Variants in EPHA6 observed in about 807,000 individuals in gnomAD.
EPHA6 encodes EPH receptor A6, also known as ephrin type-A receptor 6.
A neutral mutation model predicts 112.0 loss-of-function variants in EPHA6; 50 were observed. That is an observed-to-expected ratio of 0.45 (90% CI 0.36 to 0.56). The LOEUF (loss-of-function observed/expected upper bound fraction) is 0.56. Ranked by LOEUF, EPHA6 falls within the 20% of genes least tolerant of loss-of-function variation. The pLI is 0.00. For synonymous variants in EPHA6, 529 were observed against 490.7 expected, an observed-to-expected ratio of 1.08 and a Z score of -1.03; for missense variants, 1,280 against 1,417.4, an observed-to-expected ratio of 0.90 and a Z score of 1.56.
intron 3 of EPHA6, among the ~76,000 whole-genome samples, chr3:97,161,709 A>G (rs1576595370): frequency 6.6e-6 from 1 of 152,158 alleles, no homozygotes; most frequent in Non-Finnish European, 1.5e-5. Context: ...ACTGGCAGAA[A>G]AAAAAAGGCC....
chr3:97,110,944 G>A (rs6792322), intron 3 of EPHA6, among the ~76,000 whole-genome samples: 47,946 of 152,012 alleles, frequency 0.32, 13,495 homozygotes, highest in African/African-American at 0.75. Context: ...TACAAAATAT[G>A]TGATTATTAC....
chr3:97,621,730 T>G (rs1474659517), intron 13 of EPHA6, among the ~76,000 whole-genome samples: 1 of 151,952 alleles, frequency 6.6e-6, no homozygotes, highest in East Asian at 1.9e-4. Context: ...ATATAGCTTT[T>G]AAGTCAGAAG....
chr3:97,513,455 G>A (rs1304133494), intron 10 of EPHA6, among the ~76,000 whole-genome samples: 1 of 152,126 alleles, frequency 6.6e-6, no homozygotes, highest in Non-Finnish European at 1.5e-5. Flanking sequence ...TTTTTAAAAT[G>A]TGATGTGGTA....
At chr3:97,318,140 CAATT>C (rs2081934000) in intron 5 of EPHA6, among the ~76,000 whole-genome samples, 1 of 151,768 alleles carries the variant, frequency 6.6e-6, no homozygotes, top group Non-Finnish European at 1.5e-5. Flanking sequence ...AACTGAAACA[CAATT>C]AAGCCATCAT....
chr3:97,112,721 G>A (rs548837931), intron 3 of EPHA6, among the ~76,000 whole-genome samples: 14 of 151,740 alleles, frequency 9.2e-5, no homozygotes, highest in African/African-American at 2.2e-4. Context: ...TTAGGTCTTC[G>A]TTCAGAGGAT....
At chr3:96,907,483 T>C (rs1487780918) in intron 2 of EPHA6, among the ~76,000 whole-genome samples, 1 of 121,972 alleles carries the variant, frequency 8.2e-6, no homozygotes, top group Non-Finnish European at 1.7e-5. Flanking sequence ...AAAAAATTCA[T>C]TTTGATATTT....
At chr3:97,446,413 A>T (rs2090348031) in intron 6 of EPHA6, among the ~76,000 whole-genome samples, 1 of 152,150 alleles carries the variant, frequency 6.6e-6, no homozygotes, top group Non-Finnish European at 1.5e-5. Flanking sequence ...TGCCTGCAAA[A>T]GGTGTCCTTT....
chr3:97,494,963 C>A (rs2091939385), intron 10 of EPHA6, among the ~76,000 whole-genome samples: 1 of 152,152 alleles, frequency 6.6e-6, no homozygotes, highest in South Asian at 2.1e-4. Flanking sequence ...TAGAGTTTTT[C>A]TCTAAGTCTT....
intron 1 of EPHA6, among the ~76,000 whole-genome samples, chr3:96,821,840 G>A (rs887506669): frequency 2.6e-5 from 4 of 151,612 alleles, no homozygotes; most frequent in East Asian, 1.9e-4. Flanking sequence ...TTAATATCAG[G>A]CATTATGCTA....
intron 2 of EPHA6, among the ~76,000 whole-genome samples, chr3:96,915,417 T>A (rs1458406697): frequency 6.6e-6 from 1 of 152,098 alleles, no homozygotes; most frequent in Non-Finnish European, 1.5e-5. Flanking sequence ...ACAGGAATGA[T>A]TACAGACTGC....
At chr3:97,663,958 A>C (rs1235250899) in intron 14 of EPHA6, among the ~76,000 whole-genome samples, 1 of 152,156 alleles carries the variant, frequency 6.6e-6, no homozygotes, top group African/African-American at 2.4e-5. Flanking sequence ...GCAACAGTGT[A>C]AAAGTGTTCC....
At chr3:96,893,418 T>A (rs1182670004) in intron 2 of EPHA6, among the ~76,000 whole-genome samples, 1 of 152,204 alleles carries the variant, frequency 6.6e-6, no homozygotes, top group Non-Finnish European at 1.5e-5. Flanking sequence ...TGTTGTTTTA[T>A]TCATTATGAC....
At chr3:97,620,386 A>G (rs2107499854) in intron 13 of EPHA6, among the ~76,000 whole-genome samples, 1 of 152,080 alleles carries the variant, frequency 6.6e-6, no homozygotes, top group East Asian at 1.9e-4. Flanking sequence ...AGACACCAAA[A>G]TAATTGCAAC....
chr3:97,198,216 A>G (rs1263433650), intron 3 of EPHA6, among the ~76,000 whole-genome samples: 1 of 152,112 alleles, frequency 6.6e-6, no homozygotes, highest in Non-Finnish European at 1.5e-5. Flanking sequence ...AGTGGAGACA[A>G]TCACTATAGG....
intron 3 of EPHA6, among the ~76,000 whole-genome samples, chr3:96,994,744 G>T (rs1482632162): frequency 2.2e-5 from 3 of 134,524 alleles, no homozygotes; most frequent in Non-Finnish European, 3.1e-5. Flanking sequence ...GAGAGAGAGA[G>T]AGAGAGAGAG....
rs565505165 is a variant in EPHA6 at position 97,749,525 on chromosome 3, T to C, written c.*824T>C. On this transcript the variant is annotated 3_prime_UTR_variant, in exon 18 of 18. Coordinates refer to ENST00000389672, the MANE Select transcript of EPHA6 (RefSeq NM_001080448.3). ...CCTGGAAAGACCAAGGGTGACTTCA[T>C]TGATCTAATGGCTTTCATAGAGAAA... is the stretch of plus-strand genomic sequence containing the variant. Among the ~76,000 whole-genome samples the C allele has an allele frequency of 5.9e-5, 9 of 152,290 alleles. No homozygotes were observed. The highest frequency in any genetic ancestry group is 7.2e-5 in the African/African-American group (3 of 41,572).
chr3:97,648,464 T>C (rs2094084017), intron 14 of EPHA6: 2 of 1,302,096 alleles, frequency 1.5e-6, no homozygotes, highest in African/African-American at 3.0e-5. Flanking sequence ...GGAGAGATTC[T>C]CCTTCACCTA....
chr3:97,259,081 G>A (rs2079412199), intron 5 of EPHA6, among the ~76,000 whole-genome samples: 1 of 152,054 alleles, frequency 6.6e-6, no homozygotes, highest in Admixed American at 6.5e-5. Flanking sequence ...TTGTGCAGTT[G>A]TTCTTAGAAA....
Position 97,471,308 on chromosome 3 carries a change from C to T in EPHA6, c.1895-4044C>T, listed in dbSNP as rs116833828. On this transcript the variant is annotated intron_variant, in intron 7 of 17. Coordinates refer to ENST00000389672, the MANE Select transcript of EPHA6 (RefSeq NM_001080448.3). ...GAGGCTGCTTATTCTTTTCCAACACCATTCAGTTTCCCTTTTGTAACAATA... is the reference window on the plus strand; with the variant it reads ...GAGGCTGCTTATTCTTTTCCAACACTATTCAGTTTCCCTTTTGTAACAATA... Among the ~76,000 whole-genome samples the T allele has an allele frequency of 3.7e-3, 555 of 151,774 alleles. 5 individuals are homozygous for T. Among genetic ancestry groups the T allele is most frequent in the African/African-American group, 0.012 (488 of 41,492 alleles).
Sources: gnomAD v4.1 joint callset for allele counts (sites outside exome capture counted in the v4.1 genomes callset) on GRCh38, gnomAD v4.1.1 for gene constraint, MANE v1.5 for transcripts, NCBI Gene and HGNC (gene_info 2026-07-23, HGNC 2026-07-21) for gene names.